Variants in ZSWIM5 observed in about 807,000 individuals in gnomAD.
ZSWIM5 encodes zinc finger SWIM domain-containing protein 5.
A neutral mutation model predicts 119.6 loss-of-function variants in ZSWIM5; 55 were observed. That is an observed-to-expected ratio of 0.46 (90% confidence interval 0.37 to 0.58). ZSWIM5 has a LOEUF of 0.58. Ranked by LOEUF, ZSWIM5 falls within the 20% of genes least tolerant of loss-of-function variation. The pLI is 0.00. For synonymous variants in ZSWIM5, 537 were observed against 606.9 expected, an observed-to-expected ratio of 0.88 and a Z score of 1.69; for missense variants, 1,193 against 1,512.8, an observed-to-expected ratio of 0.79 and a Z score of 3.51.
In ZSWIM5 at chr1:45,206,398, G is replaced by GCGGCGGAGACCCTGGCCA; in HGVS notation, c.-66_-49dup. On this transcript the variant is annotated 5_prime_UTR_variant, in exon 1 of 14. Coordinates refer to ENST00000359600, the MANE Select transcript of ZSWIM5 (RefSeq NM_020883.2). ...TGAGGCGGCGGCGGCTGCTCGGGCT[G>GCGGCGGAGACCCTGGCCA]CGGCGGAGACCCTGGCCACGGCCAC... is the stretch of plus-strand genomic sequence containing the variant. 2.2e-6 allele frequency: 3 copies of GCGGCGGAGACCCTGGCCA among 1,349,582 alleles called. No individual in the cohort carries two copies. The highest frequency in any genetic ancestry group is 1.9e-6 in the Non-Finnish European group (2 of 1,054,328). The allele number at this position is 1,349,582 out of a possible 1,614,324, so 83.6% of individuals were successfully genotyped here. A position where few individuals can be genotyped will look rare whatever the true frequency, so the allele number is the denominator to read the frequency against.
chr1:45,167,581 A>C (rs1369283959), intron 1 of ZSWIM5, among the ~76,000 whole-genome samples: 2 of 152,150 alleles, frequency 1.3e-5, no homozygotes, highest in Non-Finnish European at 2.9e-5. Flanking sequence ...CCATCTGACA[A>C]AGGGCTAATA....
intron 1 of ZSWIM5, among the ~76,000 whole-genome samples, chr1:45,092,894 CT>C (rs1321071560): frequency 1.3e-5 from 2 of 152,254 alleles, no homozygotes; most frequent in Non-Finnish European, 2.9e-5. Flanking sequence ...AGATTTCATA[CT>C]TCTCAGCTGC....
chr1:45,115,402 G>A (rs1311302580), intron 1 of ZSWIM5, among the ~76,000 whole-genome samples: 5 of 149,456 alleles, frequency 3.3e-5, no homozygotes, highest in South Asian at 2.1e-4. Context: ...CTGGGCGGAG[G>A]GGCTCCTCAC....
At chr1:45,178,637 A>G (rs921821358) in intron 1 of ZSWIM5, among the ~76,000 whole-genome samples, 1 of 152,146 alleles carries the variant, frequency 6.6e-6, no homozygotes, top group South Asian at 2.1e-4. Flanking sequence ...TTGATATAAC[A>G]AAAGTTTTAA....
Position 45,035,712 on chromosome 1 carries a change from T to C in ZSWIM5, c.2267A>G (p.Tyr756Cys). The C allele has an allele frequency of 1.2e-6, 2 of 1,613,806 alleles. No homozygotes were observed. Among genetic ancestry groups the C allele is most frequent in the Non-Finnish European group, 1.7e-6 (2 of 1,180,006 alleles). The part of the protein sequence containing the change: ...ALLPHDPDLS[Y>C]KLALRAMRLP... ...CCTCATGGCACGTAAGGCTAATTTA[T>C]AGGACAGGTCTGGATCATGAGGCAG... The change falls in exon 10 of 14, where the codon TAT (tyrosine) becomes TGT (cysteine). Residue 756 changes from tyrosine (Y) to cysteine (C), a missense_variant. Around this residue, in one of 2 missense-constraint regions of ZSWIM5, gnomAD observed 961 missense variants for 1,290.0 expected, o/e 0.74. Transcript: ENST00000359600.
intron 6 of ZSWIM5, among the ~76,000 whole-genome samples, chr1:45,042,656 T>A (rs994172700): frequency 6.6e-6 from 1 of 152,204 alleles, no homozygotes; most frequent in African/African-American, 2.4e-5. Context: ...ATGGGTATCC[T>A]TTGATAAAGT....
At chr1:45,100,847 A>G (rs1294371040) in intron 1 of ZSWIM5, among the ~76,000 whole-genome samples, 1 of 152,220 alleles carries the variant, frequency 6.6e-6, no homozygotes, top group African/African-American at 2.4e-5. Flanking sequence ...GGCTAGCCAT[A>G]TGTAGAAAGC....
At chr1:45,163,121 C>T (rs1485925125) in intron 1 of ZSWIM5, among the ~76,000 whole-genome samples, 1 of 152,194 alleles carries the variant, frequency 6.6e-6, no homozygotes, top group Non-Finnish European at 1.5e-5. Flanking sequence ...TGAGATGAAG[C>T]TTCCAGAGGG....
At position 45,040,007 on chromosome 1, in the gene ZSWIM5, T is replaced by C. The variant is rs151289161; in HGVS notation, c.1756+385A>G. Reference sequence around the variant, plus strand: ...GGCGTAAGCCACCATGCCTGGCCTTTATTTTATTTTTGTAAAGATAGGGTC... The same window carrying C: ...GGCGTAAGCCACCATGCCTGGCCTTCATTTTATTTTTGTAAAGATAGGGTC... On this transcript the variant is annotated intron_variant, in intron 7 of 13. Coordinates refer to ENST00000359600, the MANE Select transcript of ZSWIM5 (RefSeq NM_020883.2). 9.8e-3 allele frequency among the ~76,000 whole-genome samples: 1,495 copies of C among 152,074 alleles called. 25 individuals are homozygous for C. The highest frequency in any genetic ancestry group is 0.034 in the African/African-American group (1,423 of 41,488).
At chr1:45,049,592 G>A (rs1342674436) in intron 5 of ZSWIM5, among the ~76,000 whole-genome samples, 1 of 152,164 alleles carries the variant, frequency 6.6e-6, no homozygotes, top group Non-Finnish European at 1.5e-5. Flanking sequence ...GCCAAGACGG[G>A]CAGATCACTT....
In ZSWIM5 at chr1:45,153,858, C is replaced by T. The variant is rs547909503; in HGVS notation, c.595+51898G>A. The stretch of plus-strand genomic sequence containing the variant: ...GTATACCTAGAAAACCCTAAAGACT[C>T]CTCCAAAAAGCTCCTAGAACTGATT... On this transcript the variant is annotated intron_variant, in intron 1 of 13. Transcript: ENST00000359600. 2.8e-4 allele frequency among the ~76,000 whole-genome samples: 43 copies of T among 152,212 alleles called. No individual in the cohort carries two copies. In the South Asian group the frequency reaches 8.1e-3, roughly 29 times the overall value.
At chr1:45,054,780 T>C (rs1645111506) in intron 4 of ZSWIM5, among the ~76,000 whole-genome samples, 1 of 152,048 alleles carries the variant, frequency 6.6e-6, no homozygotes, top group Non-Finnish European at 1.5e-5. Flanking sequence ...GATCAACAGG[T>C]CTTGGTTTGG....
intron 8 of ZSWIM5, among the ~76,000 whole-genome samples, chr1:45,037,326 G>T (rs1311122955): frequency 6.6e-6 from 1 of 151,948 alleles, no homozygotes. Flanking sequence ...GGCCAGGCTG[G>T]TCTCCAACTC....
chr1:45,027,522 G>T (rs1270591206), intron 11 of ZSWIM5, among the ~76,000 whole-genome samples: 2 of 151,816 alleles, frequency 1.3e-5, no homozygotes, highest in Non-Finnish European at 2.9e-5. Context: ...TCAGCCTCCT[G>T]AGTAGCTGAG....
chr1:45,183,713 T>A (rs1045595588), intron 1 of ZSWIM5, among the ~76,000 whole-genome samples: 2 of 152,140 alleles, frequency 1.3e-5, no homozygotes, highest in Non-Finnish European at 2.9e-5. Flanking sequence ...AAGTTGAATC[T>A]CTGAATAGAC....
At chr1:45,073,719 CTTAT>C (rs1427020768) in intron 2 of ZSWIM5, among the ~76,000 whole-genome samples, 1 of 151,600 alleles carries the variant, frequency 6.6e-6, no homozygotes, top group Non-Finnish European at 1.5e-5. Flanking sequence ...TTAAATGCCC[CTTAT>C]TTCTCTCTCT....
chr1:45,156,098 A>G (rs1645825134), intron 1 of ZSWIM5, among the ~76,000 whole-genome samples: 1 of 152,166 alleles, frequency 6.6e-6, no homozygotes, highest in African/African-American at 2.4e-5. Context: ...CATGGTATAT[A>G]TACACCATGG....
At chr1:45,044,745 A>AT (rs1645038855) in intron 5 of ZSWIM5, among the ~76,000 whole-genome samples, 1 of 5,264 alleles carries the variant, frequency 1.9e-4, no homozygotes, top group African/African-American at 4.4e-4. Flanking sequence ...AAAAAAAAAA[A>AT]AATATATATA....
At chr1:45,200,341 A>G (rs1296618575) in intron 1 of ZSWIM5, among the ~76,000 whole-genome samples, 1 of 152,224 alleles carries the variant, frequency 6.6e-6, no homozygotes, top group African/African-American at 2.4e-5. Flanking sequence ...ATGATAGGCT[A>G]AAAGTGTCCA....
Sources: allele counts gnomAD v4.1 joint callset (sites outside exome capture counted in the v4.1 genomes callset), GRCh38; gene constraint gnomAD v4.1.1; regional missense constraint gnomAD v4.1.1; transcripts MANE v1.5; gene names NCBI Gene and HGNC (gene_info 2026-07-23, HGNC 2026-07-21).